The following AUTS2 variants were observed in gnomAD, a reference collection of about 807,000 sequenced individuals.
AUTS2 encodes the protein autism susceptibility gene 2 protein.
A neutral mutation model predicts 112.4 loss-of-function variants in AUTS2; 17 were observed. The observed-to-expected ratio is 0.15, with a 90% CI of 0.10 to 0.23. The LOEUF is 0.23. Among genes scored for constraint, AUTS2 ranks in the 10% least tolerant of loss-of-function variants. The probability of loss-of-function intolerance (pLI) is 1.00; values close to 1 mark genes in which losing one functional copy is unlikely to be tolerated. For synonymous variants in AUTS2, 751 were observed against 702.7 expected (o/e 1.07, Z -1.09); for missense variants, 1,510 against 1,701.6 (o/e 0.89, Z 1.98).
At chr7:70,182,354 T>A (rs144148592) in intron 4 of AUTS2, among the ~76,000 whole-genome samples, 266 of 152,330 alleles carry the variant, frequency 1.7e-3, no homozygotes, top group Non-Finnish European at 2.9e-3. Flanking sequence ...TCCAGGATGT[T>A]GAGGCTTTAC....
intron 4 of AUTS2, among the ~76,000 whole-genome samples, chr7:70,319,397 A>C (rs1790145852): frequency 6.6e-6 from 1 of 152,210 alleles, no homozygotes; most frequent in Non-Finnish European, 1.5e-5. Flanking sequence ...TGCAGAACAG[A>C]AATGTTCATA....
chr7:69,730,598 T>G (rs1280755849), intron 1 of AUTS2, among the ~76,000 whole-genome samples: 1 of 152,194 alleles, frequency 6.6e-6, no homozygotes, highest in African/African-American at 2.4e-5. Context: ...AAGTCAGTGT[T>G]TGCTCATCTA....
intron 1 of AUTS2, among the ~76,000 whole-genome samples, chr7:69,792,232 G>GTTT (rs148860619): frequency 2.0e-5 from 3 of 146,744 alleles, no homozygotes; most frequent in African/African-American, 2.5e-5. Context: ...TTAAGTTGTT[G>GTTT]TTTTTTTTTT....
chr7:70,720,088 T>C (rs1048842234), intron 6 of AUTS2, among the ~76,000 whole-genome samples: 3 of 152,180 alleles, frequency 2.0e-5, no homozygotes, highest in Non-Finnish European at 4.4e-5. Context: ...GCTGTTCTTC[T>C]TCCCCTACTT....
At chr7:70,660,330 G>C (rs556043799) in intron 5 of AUTS2, among the ~76,000 whole-genome samples, 1 of 152,250 alleles carries the variant, frequency 6.6e-6, no homozygotes, top group Non-Finnish European at 1.5e-5. Context: ...ACAGATTATA[G>C]ACACTCCCTC....
chr7:70,220,167 C>T, intron 4 of AUTS2, among the ~76,000 whole-genome samples: 1 of 152,098 alleles, frequency 6.6e-6, no homozygotes, highest in East Asian at 1.9e-4. Context: ...GGCAGTGTTC[C>T]AATAAAACTT....
chr7:70,056,949 T>C (rs1802020717), intron 2 of AUTS2, among the ~76,000 whole-genome samples: 2 of 152,222 alleles, frequency 1.3e-5, no homozygotes, highest in Admixed American at 6.5e-5. Context: ...ATTATAATGA[T>C]TCTTGCTGAT....
intron 4 of AUTS2, among the ~76,000 whole-genome samples, chr7:70,178,548 C>G (rs1809119677): frequency 1.3e-5 from 2 of 152,070 alleles, no homozygotes; most frequent in Non-Finnish European, 2.9e-5. Context: ...GCCTGTAATC[C>G]CAGCCCTTTG....
intron 4 of AUTS2, among the ~76,000 whole-genome samples, chr7:70,209,904 A>T (rs1212138762): frequency 1.3e-5 from 2 of 151,898 alleles, no homozygotes; most frequent in Admixed American, 6.6e-5. Flanking sequence ...AAAAGAATAT[A>T]TTTTTTTTCC....
intron 1 of AUTS2, among the ~76,000 whole-genome samples, chr7:69,799,470 C>T (rs568807908): frequency 9.2e-5 from 14 of 152,170 alleles, no homozygotes; most frequent in Admixed American, 5.9e-4. Flanking sequence ...TGAGGTCCAG[C>T]GAGTTTGGGG....
At chr7:70,109,704 A>G (rs968979574) in intron 2 of AUTS2, among the ~76,000 whole-genome samples, 4 of 152,140 alleles carry the variant, frequency 2.6e-5, no homozygotes, top group African/African-American at 4.8e-5. Flanking sequence ...TAAATTGTAA[A>G]TGTTTCTCAT....
At chr7:70,140,835 T>TG (rs1806823800) in intron 4 of AUTS2, among the ~76,000 whole-genome samples, 1 of 152,224 alleles carries the variant, frequency 6.6e-6, no homozygotes, top group African/African-American at 2.4e-5. Context: ...TTGGACTAAT[T>TG]GATAAGGAGT....
At chr7:70,059,799 G>T (rs1452440317) in intron 2 of AUTS2, among the ~76,000 whole-genome samples, 1 of 152,148 alleles carries the variant, frequency 6.6e-6, no homozygotes, top group Non-Finnish European at 1.5e-5. Flanking sequence ...AGGAACCCAT[G>T]GCAGATTTTT....
At chr7:70,714,465 T>C (rs559337169) in intron 6 of AUTS2, among the ~76,000 whole-genome samples, 1 of 152,320 alleles carries the variant, frequency 6.6e-6, no homozygotes, top group South Asian at 2.1e-4. Flanking sequence ...TAACTAAATA[T>C]GCAGTAATTC....
chr7:70,357,281 T>G lies in AUTS2; in HGVS notation c.661-78471T>G, dbSNP rs143682953. Among the ~76,000 whole-genome samples, 99 of 152,322 alleles carry G rather than the reference T, an allele frequency of 6.5e-4. 1 individual carries two copies. In the East Asian group the frequency reaches 0.019, roughly 29 times the overall value. On this transcript the variant is annotated intron_variant, in intron 4 of 18. Coordinates refer to ENST00000342771, the MANE Select transcript of AUTS2 (RefSeq NM_015570.4). Reference sequence around the variant, plus strand: ...TCCCCAGGTGCCCAGCTCCTCTGCCTTCCCAAGGTGCTCAAGTTTGCTTTC... The same window carrying G: ...TCCCCAGGTGCCCAGCTCCTCTGCCGTCCCAAGGTGCTCAAGTTTGCTTTC...
At chr7:69,821,388 C>G (rs914399296) in intron 1 of AUTS2, among the ~76,000 whole-genome samples, 1 of 152,060 alleles carries the variant, frequency 6.6e-6, no homozygotes, top group Non-Finnish European at 1.5e-5. Flanking sequence ...TGTAAATGCA[C>G]CAATCGGCAC....
intron 2 of AUTS2, among the ~76,000 whole-genome samples, chr7:69,951,885 A>G (rs769187287): frequency 1.1e-4 from 16 of 152,170 alleles, no homozygotes; most frequent in Admixed American, 4.6e-4. Context: ...GTCCATTTGA[A>G]GGCTTCTTCC....
At chr7:70,295,894 C>T (rs1282139302) in intron 4 of AUTS2, among the ~76,000 whole-genome samples, 1 of 152,132 alleles carries the variant, frequency 6.6e-6, no homozygotes, top group African/African-American at 2.4e-5. Flanking sequence ...GATATTAACT[C>T]ATCTTAGTAA....
intron 4 of AUTS2, among the ~76,000 whole-genome samples, chr7:70,271,446 C>T (rs373861495): frequency 1.3e-5 from 2 of 152,092 alleles, no homozygotes; most frequent in Admixed American, 6.6e-5. Context: ...TCGTCTCTTG[C>T]GAATTGTTGT....
Sources: gnomAD v4.1 joint callset for allele counts (sites outside exome capture counted in the v4.1 genomes callset) on GRCh38, gnomAD v4.1.1 for gene constraint, MANE v1.5 for transcripts, NCBI Gene and HGNC (gene_info 2026-07-23, HGNC 2026-07-21) for gene names.